RPH3AL: variants seen among roughly 807,000 people sequenced by gnomAD.
The protein encoded by RPH3AL is rab effector Noc2.
A neutral mutation model predicts 43.1 loss-of-function variants in RPH3AL; 38 were observed. The observed-to-expected ratio is 0.88, with a 90% CI of 0.68 to 1.15. The LOEUF is 1.15. Ranked by LOEUF, RPH3AL falls within the 50% of genes most tolerant of loss-of-function variation. RPH3AL has a pLI of 0.00. For missense variants in RPH3AL, 462 were observed against 423.2 expected (o/e 1.09, Z -0.81); for synonymous variants, 189 against 176.3 (o/e 1.07, Z -0.57).
chr17:329,364 T>A (rs1567528128), intron 2 of RPH3AL, among the ~76,000 whole-genome samples: 3 of 152,126 alleles, frequency 2.0e-5, no homozygotes. Context: ...TAATCCCAGC[T>A]ACTGAGGAGG....
intron 7 of RPH3AL, among the ~76,000 whole-genome samples, chr17:236,971 A>G (rs1401456435): frequency 1.3e-5 from 2 of 152,198 alleles, no homozygotes; most frequent in African/African-American, 4.8e-5. Flanking sequence ...TCGACAGTCC[A>G]TTCCACCGTC....
At chr17:270,301 A>G (rs1485322371) in intron 6 of RPH3AL, among the ~76,000 whole-genome samples, 6 of 152,250 alleles carry the variant, frequency 3.9e-5, no homozygotes, top group Non-Finnish European at 1.5e-5. Flanking sequence ...GAGAAACAGC[A>G]TGGAGAAACA....
intron 5 of RPH3AL, among the ~76,000 whole-genome samples, chr17:298,804 A>C (rs1228450342): frequency 6.6e-6 from 1 of 152,148 alleles, no homozygotes; most frequent in African/African-American, 2.4e-5. Flanking sequence ...AGGATTTCTT[A>C]ATATTCTAAC....
At chr17:273,274 G>A (rs377612438) in intron 6 of RPH3AL, among the ~76,000 whole-genome samples, 23 of 77,546 alleles carry the variant, frequency 3.0e-4, no homozygotes, top group African/African-American at 5.4e-4. Context: ...TGACGTCAGG[G>A]AGAGACCCCA....
At chr17:350,262 G>A (rs577397452) in intron 1 of RPH3AL, among the ~76,000 whole-genome samples, 9 of 152,210 alleles carry the variant, frequency 5.9e-5, no homozygotes, top group Admixed American at 3.3e-4. Flanking sequence ...TGAGGCAGAC[G>A]GATCACAACA....
chr17:303,315 C>T (rs546944291), intron 5 of RPH3AL, among the ~76,000 whole-genome samples: 92 of 152,040 alleles, frequency 6.1e-4, no homozygotes, highest in African/African-American at 2.1e-3. Flanking sequence ...CACTGGAGCC[C>T]AGAGGGGTGA....
intron 6 of RPH3AL, among the ~76,000 whole-genome samples, chr17:273,326 CAGGGAGAGACCCCAGCGAGGGT>C (rs2042560810): frequency 1.0e-5 from 1 of 99,764 alleles, no homozygotes; most frequent in African/African-American, 3.3e-5. Flanking sequence ...AGGGTGATGT[CAGGGAGAGACCCCAGCGAGGGT>C]GACGTCAGGG....
chr17:321,617 A>G lies in RPH3AL; in HGVS notation c.78-202T>C, dbSNP rs143737357. The G allele has an allele frequency of 6.5e-3, 2,807 of 434,886 alleles. 17 individuals are homozygous for G. The highest frequency in any genetic ancestry group is 7.2e-3 in the Non-Finnish European group (1,813 of 253,332). 26.9% of individuals were successfully genotyped at this position (434,886 alleles called of 1,614,324 possible). On this transcript the variant is annotated intron_variant, in intron 3 of 9. Transcript: ENST00000331302. ...GGCAACAGAGACGGCCCAGGTGGCA[A>G]CAGAGACGGCCCAGGTTCCGTGTGC... is the stretch of plus-strand genomic sequence containing the variant.
intron 5 of RPH3AL, among the ~76,000 whole-genome samples, chr17:313,547 G>C (rs2043704731): frequency 6.6e-6 from 1 of 152,154 alleles, no homozygotes; most frequent in Non-Finnish European, 1.5e-5. Flanking sequence ...GCCAGCTGTT[G>C]CTTGTGTTTG....
chr17:232,798 C>T (rs2041257626), intron 7 of RPH3AL, among the ~76,000 whole-genome samples: 2 of 151,604 alleles, frequency 1.3e-5, no homozygotes, highest in East Asian at 3.9e-4. Flanking sequence ...GACAACTCCC[C>T]CCTTCCTTGT....
chr17:221,878 C>T (rs572629204), intron 7 of RPH3AL, among the ~76,000 whole-genome samples: 3 of 124,566 alleles, frequency 2.4e-5, no homozygotes, highest in East Asian at 4.7e-4. Context: ...CTCACTGAGA[C>T]AATAGACCCA....
chr17:242,894 A>G (rs1373127406), intron 7 of RPH3AL, among the ~76,000 whole-genome samples: 1 of 120,026 alleles, frequency 8.3e-6, no homozygotes, highest in Non-Finnish European at 1.7e-5. Flanking sequence ...ACCTTCCTCT[A>G]TTGACTACCT....
intron 5 of RPH3AL, among the ~76,000 whole-genome samples, chr17:314,199 C>G (rs1202746335): frequency 6.6e-6 from 1 of 152,174 alleles, no homozygotes; most frequent in South Asian, 2.1e-4. Flanking sequence ...GGAAGTGGGC[C>G]AGGATCTGTG....
At chr17:272,158 G>A (rs116008054) in intron 6 of RPH3AL, among the ~76,000 whole-genome samples, 2,308 of 152,268 alleles carry the variant, frequency 0.015, 64 homozygotes, top group African/African-American at 0.051. Context: ...ACTGTTGGGG[G>A]AATGTAAACT....
chr17:241,022 A>T (rs897627813), intron 7 of RPH3AL, among the ~76,000 whole-genome samples: 1 of 151,252 alleles, frequency 6.6e-6, no homozygotes, highest in Admixed American at 6.6e-5. Context: ...GTGCCACTGC[A>T]CTCCAGCCTG....
chr17:301,052 C>T (rs1284523009), intron 5 of RPH3AL, among the ~76,000 whole-genome samples: 1 of 152,260 alleles, frequency 6.6e-6, no homozygotes, highest in Non-Finnish European at 1.5e-5. Context: ...TGGGACAGAC[C>T]AGGGCAAGGC....
At chr17:228,944 C>A (rs954336221) in intron 7 of RPH3AL, among the ~76,000 whole-genome samples, 3 of 152,174 alleles carry the variant, frequency 2.0e-5, no homozygotes, top group African/African-American at 7.2e-5. Context: ...TGCTCTTGGG[C>A]AAATACCTTA....
chr17:215,745 C>G lies in RPH3AL; in HGVS notation c.785G>C (p.Gly262Ala). 2.3e-6 allele frequency: 3 copies of G among 1,308,522 alleles called. No homozygotes were observed. The highest frequency in any genetic ancestry group is 2.9e-6 in the Non-Finnish European group (3 of 1,025,454). The allele number at this position is 1,308,522 out of a possible 1,614,324, so 81.1% of individuals were successfully genotyped here. The change falls in exon 9 of 10, where the codon GGG (glycine) becomes GCG (alanine). Residue 262 changes from glycine to alanine, a missense_variant. Coordinates refer to ENST00000331302, the MANE Select transcript of RPH3AL (RefSeq NM_006987.4). This position sits in a 1 kb window ranked among gnomAD's most constrained non-coding sequence, Gnocchi z 4.1. ...GFTHPPGHLS[G>A]CQSSLASGET... ...ACCACTGGCCAGGCTGCTCTGGCACCCAGAGAGGTGGCCCGGCGGGTGGGT... is the reference window on the plus strand; with the variant it reads ...ACCACTGGCCAGGCTGCTCTGGCACGCAGAGAGGTGGCCCGGCGGGTGGGT...
At chr17:309,137 A>C (rs970525568) in intron 5 of RPH3AL, among the ~76,000 whole-genome samples, 4 of 152,126 alleles carry the variant, frequency 2.6e-5, no homozygotes, top group African/African-American at 4.8e-5. Flanking sequence ...CTCTACAAAA[A>C]ATAAAAAATT....
Sources: allele counts gnomAD v4.1 joint callset (sites outside exome capture counted in the v4.1 genomes callset), GRCh38; gene constraint gnomAD v4.1.1; non-coding constraint Gnocchi (gnomAD v3.1); transcripts MANE v1.5; gene names NCBI Gene and HGNC (gene_info 2026-07-23, HGNC 2026-07-21).